The following CADM2 variants were observed in gnomAD, a reference collection of about 807,000 sequenced individuals.
CADM2 encodes immunoglobulin superfamily member 4D.
In CADM2, 12 loss-of-function variants were observed where a neutral mutation model predicts 49.8. That is an observed-to-expected ratio of 0.24 (90% CI 0.15 to 0.39). The LOEUF (loss-of-function observed/expected upper bound fraction) is 0.39. Ranked by LOEUF, CADM2 falls within the 10% of genes least tolerant of loss-of-function variation. CADM2 has a pLI of 1.00. For synonymous variants in CADM2, 214 were observed against 175.4 expected, an observed-to-expected ratio of 1.22 and a Z score of -1.74; for missense variants, 378 against 492.3, an observed-to-expected ratio of 0.77 and a Z score of 2.20.
At chr3:85,449,560 T>G (rs1245508463) in intron 1 of CADM2, among the ~76,000 whole-genome samples, 1 of 56,142 alleles carries the variant, frequency 1.8e-5, no homozygotes, top group Non-Finnish European at 4.1e-5. Flanking sequence ...AAATATAAGG[T>G]TTTTTTTTTT....
chr3:85,747,537 AAG>A (rs910667893), intron 2 of CADM2, among the ~76,000 whole-genome samples: 2 of 152,062 alleles, frequency 1.3e-5, no homozygotes, highest in Admixed American at 6.6e-5. Flanking sequence ...ATGGGAGAAA[AAG>A]AATGAGAGGC....
chr3:85,218,656 C>T (rs1472761405), intron 1 of CADM2, among the ~76,000 whole-genome samples: 1 of 151,952 alleles, frequency 6.6e-6, no homozygotes. Context: ...ATTAGCCTGG[C>T]GTGGTGGCAG....
intron 1 of CADM2, among the ~76,000 whole-genome samples, chr3:85,352,689 G>A (rs6792399): frequency 1.2e-4 from 18 of 152,062 alleles, no homozygotes; most frequent in African/African-American, 2.4e-4. Context: ...ACAGTATCCA[G>A]ACCAAATACA....
chr3:85,649,602 G>A (rs766624790), intron 1 of CADM2, among the ~76,000 whole-genome samples: 12 of 152,192 alleles, frequency 7.9e-5, no homozygotes, highest in African/African-American at 1.2e-4. Flanking sequence ...GTTACCTTAA[G>A]AGAAAGCAGA....
intron 1 of CADM2, among the ~76,000 whole-genome samples, chr3:85,243,336 T>A (rs1475686701): frequency 6.6e-6 from 1 of 151,994 alleles, no homozygotes; most frequent in African/African-American, 2.4e-5. Context: ...TTTACCCTGA[T>A]GTATTTTATT....
intron 2 of CADM2, among the ~76,000 whole-genome samples, chr3:85,772,207 CACAT>C (rs1335949820): frequency 6.6e-6 from 1 of 151,872 alleles, no homozygotes; most frequent in Non-Finnish European, 1.5e-5. Flanking sequence ...ATAAGACACT[CACAT>C]GCATCCAACT....
At position 85,195,353 on chromosome 3, in the gene CADM2, A is replaced by G. The variant is rs1304728166; in HGVS notation, c.61+235685A>G. Among the ~76,000 whole-genome samples the G allele has an allele frequency of 2.0e-5, 3 of 152,014 alleles. No homozygotes were observed. In the East Asian group the frequency reaches 5.8e-4, roughly 29 times the overall value. Reference sequence around the variant, plus strand: ...GTTTTCTATCTTTCTGGGTCTTTGTACACCATATCTATGAGCAGTTTTAAG... The same window carrying G: ...GTTTTCTATCTTTCTGGGTCTTTGTGCACCATATCTATGAGCAGTTTTAAG... On this transcript the variant is annotated intron_variant, in intron 1 of 9. Coordinates refer to ENST00000383699, the MANE Select transcript of CADM2 (RefSeq NM_001167675.2).
intron 1 of CADM2, among the ~76,000 whole-genome samples, chr3:85,253,236 T>C (rs1218028123): frequency 6.6e-6 from 1 of 152,102 alleles, no homozygotes; most frequent in Non-Finnish European, 1.5e-5. Flanking sequence ...AGATGCATGA[T>C]TGCAGAGGAA....
intron 1 of CADM2, among the ~76,000 whole-genome samples, chr3:85,302,257 C>T (rs1456744906): frequency 6.6e-6 from 1 of 151,970 alleles, no homozygotes; most frequent in African/African-American, 2.4e-5. Flanking sequence ...TCTGTAATTG[C>T]TTCATTTGAT....
intron 7 of CADM2, among the ~76,000 whole-genome samples, chr3:85,948,411 G>T (rs1004125562): frequency 2.9e-4 from 43 of 150,726 alleles, no homozygotes; most frequent in African/African-American, 1.0e-3. Context: ...ATGGATTATT[G>T]TCCACCTATT....
chr3:85,671,280 T>A (rs1304708492), intron 1 of CADM2, among the ~76,000 whole-genome samples: 1 of 152,162 alleles, frequency 6.6e-6, no homozygotes, highest in Non-Finnish European at 1.5e-5. Context: ...CAATAAATAT[T>A]TCTTGCTTGT....
chr3:85,525,464 G>A (rs1165744678), intron 1 of CADM2, among the ~76,000 whole-genome samples: 9 of 152,110 alleles, frequency 5.9e-5, no homozygotes, highest in Non-Finnish European at 1.5e-5. Flanking sequence ...ATTCTTGGTC[G>A]TGACTATTTC....
chr3:85,477,633 A>G (rs2039033141), intron 1 of CADM2, among the ~76,000 whole-genome samples: 1 of 151,946 alleles, frequency 6.6e-6, no homozygotes, highest in Admixed American at 6.6e-5. Context: ...CTACAATGGG[A>G]TAAAATGATT....
chr3:85,115,410 A>G (rs980364481), intron 1 of CADM2, among the ~76,000 whole-genome samples: 1 of 152,182 alleles, frequency 6.6e-6, no homozygotes, highest in African/African-American at 2.4e-5. Flanking sequence ...CATATCTATT[A>G]TTTATAAAGC....
intron 1 of CADM2, among the ~76,000 whole-genome samples, chr3:85,479,716 C>T (rs779520506): frequency 9.9e-5 from 15 of 151,910 alleles, no homozygotes; most frequent in Non-Finnish European, 1.8e-4. Flanking sequence ...ATCTTTATAA[C>T]AGATCTGCCC....
At chr3:85,890,837 C>G (rs1714332881) in intron 5 of CADM2, among the ~76,000 whole-genome samples, 1 of 151,954 alleles carries the variant, frequency 6.6e-6, no homozygotes, top group African/African-American at 2.4e-5. Context: ...GGTGGTAGGA[C>G]ACTTTGAAGA....
chr3:85,369,643 G>T (rs2033052144), intron 1 of CADM2, among the ~76,000 whole-genome samples: 1 of 152,132 alleles, frequency 6.6e-6, no homozygotes, highest in South Asian at 2.1e-4. Context: ...TAAAAACTTA[G>T]ACATGGTAGA....
chr3:85,393,253 C>A (rs2034608260), intron 1 of CADM2, among the ~76,000 whole-genome samples: 1 of 152,114 alleles, frequency 6.6e-6, no homozygotes, highest in South Asian at 2.1e-4. Context: ...GTGTTCAGAA[C>A]TTGATGGTAA....
At chr3:85,166,981 A>G (rs984297305) in intron 1 of CADM2, among the ~76,000 whole-genome samples, 2 of 152,094 alleles carry the variant, frequency 1.3e-5, no homozygotes, top group African/African-American at 2.4e-5. Flanking sequence ...AAATATTCAA[A>G]AGCATATTTT....
Sources: gnomAD v4.1 joint callset for allele counts (sites outside exome capture counted in the v4.1 genomes callset) on GRCh38, gnomAD v4.1.1 for gene constraint, MANE v1.5 for transcripts, NCBI Gene and HGNC (gene_info 2026-07-23, HGNC 2026-07-21) for gene names.